Variants in AGAP1 observed in about 807,000 individuals in gnomAD.
AGAP1 encodes arf-GAP with GTPase, ANK repeat and PH domain-containing protein 1.
Under a neutral mutation model 105.3 loss-of-function variants are expected in AGAP1, and 29 were observed. The observed-to-expected ratio is 0.28, with a 90% CI of 0.21 to 0.38. The LOEUF (loss-of-function observed/expected upper bound fraction) is 0.38, where lower values mean the gene tolerates loss of function less well. AGAP1 is among the 10% of genes least tolerant of loss of function. The pLI is 1.00. For missense variants in AGAP1, 998 were observed against 1,165.1 expected (o/e 0.86, Z 2.09); for synonymous variants, 509 against 485.9 (o/e 1.05, Z -0.63).
rs906201979 is a variant in AGAP1, at chr2:235,514,160, GCGCACA to G, written c.163+19313_163+19318del. 5.3e-4 allele frequency among the ~76,000 whole-genome samples: 35 copies of G among 66,090 alleles called. No individual in the cohort carries two copies. The East Asian group carries it at 9.2e-3, about 17-fold the overall frequency. 43.4% of individuals were successfully genotyped at this position (66,090 alleles called of 152,430 possible). On this transcript the variant is annotated intron_variant, in intron 1 of 17. Transcript: ENST00000304032. ...TGTGCCAGTGCATGCGCGTGCGCGC[GCGCACA>G]CACACACACACACACACATACCTCC...
rs565347071 is a variant in AGAP1, at chr2:235,621,950, G to A, written c.164-87229G>A. On this transcript the variant is annotated intron_variant, in intron 1 of 17. Transcript: ENST00000304032. The surrounding 1 kb of genome is among the most constrained non-coding windows in gnomAD (Gnocchi z 4.1). ...GGCCACTGTGTGGATGTTTCTGACG[G>A]CCTCTTACAGACTCTGTCCTTTTTG... Among the ~76,000 whole-genome samples the A allele has an allele frequency of 6.6e-6, 1 of 152,212 alleles. No individual in the cohort carries two copies. The highest frequency in any genetic ancestry group is 6.5e-5 in the Admixed American group (1 of 15,276).
chr2:235,661,367 A>G (rs1422332766), intron 1 of AGAP1, among the ~76,000 whole-genome samples: 3 of 152,154 alleles, frequency 2.0e-5, no homozygotes, highest in Non-Finnish European at 2.9e-5. Context: ...TTGAGGGTAC[A>G]GGGTCCATTT....
At position 235,536,142 on chromosome 2, in the gene AGAP1, T is replaced by TACACAC. The variant is rs58090095; in HGVS notation, c.163+41325_163+41330dup. Among the ~76,000 whole-genome samples the TACACAC allele has an allele frequency of 1.0e-3, 17 of 16,416 alleles. 1 individual carries two copies. The highest frequency in any genetic ancestry group is 1.4e-3 in the Non-Finnish European group (15 of 10,628). The allele number at this position is 16,416 out of a possible 152,430, so 10.8% of individuals were successfully genotyped here. On this transcript the variant is annotated intron_variant, in intron 1 of 17. Transcript: ENST00000304032. ...ACCCCGGGGTTTGTGTGTGGCATCC[T>TACACAC]ACACACACACACACACACACACACA...
chr2:235,803,034 ATGGTGATGATGG>A (rs1957634039), intron 8 of AGAP1, among the ~76,000 whole-genome samples: 1 of 1,944 alleles, frequency 5.1e-4, no homozygotes, highest in Non-Finnish European at 1.3e-3. Context: ...GATGGTTGTG[ATGGTGATGATGG>A]TTGTGGTGAT....
Position 235,799,261 on chromosome 2 carries a change from C to T in AGAP1, c.802-106C>T. ...CGCAAGTCAGCCATTCCCATGCATC[C>T]CTTCCATGGGGCTCATGCTCACTTG... On this transcript the variant is annotated intron_variant, in intron 7 of 17. Transcript: ENST00000304032. The surrounding 1 kb of genome is among the most constrained non-coding windows in gnomAD (Gnocchi z 5.0). 2.3e-6 allele frequency: 3 copies of T among 1,305,384 alleles called. No homozygotes were observed. Among genetic ancestry groups the T allele is most frequent in the Non-Finnish European group, 3.2e-6 (3 of 933,810 alleles). 80.9% of individuals were successfully genotyped at this position (1,305,384 alleles called of 1,614,324 possible).
At chr2:235,715,872 A>G (rs1322593242) in intron 2 of AGAP1, among the ~76,000 whole-genome samples, 2 of 152,024 alleles carry the variant, frequency 1.3e-5, no homozygotes, top group African/African-American at 4.8e-5. Context: ...TTCTGGCTTG[A>G]GAGGCTGGGT....
chr2:236,040,792 G>T lies in AGAP1; in HGVS notation c.1842G>T (p.Ser614=). ...TSQSEAMALQ[S]IRNMRGNSHC... The stretch of plus-strand genomic sequence containing the variant: ...AGAGCGAGGCCATGGCCCTGCAGTC[G>T]ATCCGGAACATGCGCGGGAACTCCC... The change falls in exon 15 of 18, where the codon TCG becomes TCT. Residue 614 remains serine, a synonymous_variant. Coordinates refer to ENST00000304032, the MANE Select transcript of AGAP1 (RefSeq NM_001037131.3). The surrounding 1 kb of genome is among the most constrained non-coding windows in gnomAD (Gnocchi z 5.6). 6.2e-7 allele frequency: 1 copy of T among 1,613,904 alleles called. No individual in the cohort carries two copies. Among genetic ancestry groups the T allele is most frequent in the Non-Finnish European group, 8.5e-7 (1 of 1,180,018 alleles).
At position 235,830,440 on chromosome 2, in the gene AGAP1, G is replaced by C. The variant is rs1464092667; in HGVS notation, c.1050+23109G>C. On this transcript the variant is annotated intron_variant, in intron 9 of 17. Transcript: ENST00000304032. The surrounding 1 kb of genome is among the most constrained non-coding windows in gnomAD (Gnocchi z 5.5). Reference sequence around the variant, plus strand: ...GATTGCAGGCACTTCAAAGCCGTCAGTTCCATTCATTGTTTTTCAAAGTAT... The same window carrying C: ...GATTGCAGGCACTTCAAAGCCGTCACTTCCATTCATTGTTTTTCAAAGTAT... 1.3e-5 allele frequency among the ~76,000 whole-genome samples: 2 copies of C among 152,204 alleles called. No homozygotes were observed. Among genetic ancestry groups the C allele is most frequent in the Admixed American group, 6.5e-5 (1 of 15,280 alleles).
chr2:235,676,623 C>T (rs2149381311), intron 1 of AGAP1, among the ~76,000 whole-genome samples: 1 of 152,244 alleles, frequency 6.6e-6, no homozygotes. Context: ...ATGACTAATG[C>T]CAACACTAAA....
intron 16 of AGAP1, among the ~76,000 whole-genome samples, chr2:236,093,410 A>G (rs966638002): frequency 1.3e-5 from 2 of 152,230 alleles, no homozygotes; most frequent in Admixed American, 1.3e-4. Context: ...AACAACTCAC[A>G]GTCTGTGCCT....
chr2:235,543,838 T>G (rs1005730241), intron 1 of AGAP1, among the ~76,000 whole-genome samples: 1 of 152,130 alleles, frequency 6.6e-6, no homozygotes, highest in Non-Finnish European at 1.5e-5. Context: ...GGGCTGTACT[T>G]TGGGGTATCC....
rs188817227 is a variant in AGAP1 at position 236,068,372 on chromosome 2, G to A, written c.2114+19091G>A. Among the ~76,000 whole-genome samples, 634 of 152,174 alleles carry A rather than the reference G, an allele frequency of 4.2e-3. 12 individuals carry two copies. Among genetic ancestry groups the A allele is most frequent in the African/African-American group, 0.014 (597 of 41,500 alleles). On this transcript the variant is annotated intron_variant, in intron 16 of 17. Transcript: ENST00000304032. Reference sequence around the variant, plus strand: ...CCATAATATAATAACCCTTCCTGTTGGCCAACTCCCTCTCCTCTCCTCTGG... The same window carrying A: ...CCATAATATAATAACCCTTCCTGTTAGCCAACTCCCTCTCCTCTCCTCTGG...
At position 235,953,684 on chromosome 2, in the gene AGAP1, G is replaced by T. The variant is rs2053833845; in HGVS notation, c.1484-14778G>T. 6.6e-6 allele frequency among the ~76,000 whole-genome samples: 1 copy of T among 152,176 alleles called. No homozygotes were observed. The highest frequency in any genetic ancestry group is 2.4e-5 in the African/African-American group (1 of 41,454). On this transcript the variant is annotated intron_variant, in intron 12 of 17. Coordinates refer to ENST00000304032, the MANE Select transcript of AGAP1 (RefSeq NM_001037131.3). The surrounding 1 kb of genome is among the most constrained non-coding windows in gnomAD (Gnocchi z 5.2). ...TTTTTTCCACGCCTGTAATCTCAGT[G>T]CTTTGGGAGGCCAAAGCAGAAGGAT...
intron 1 of AGAP1, among the ~76,000 whole-genome samples, chr2:235,571,598 C>T (rs539496858): frequency 1.4e-4 from 21 of 152,282 alleles, no homozygotes; most frequent in Middle Eastern, 3.4e-3. Flanking sequence ...AACCCATTTC[C>T]TTGGTTCTTT....
rs1382720485 is a variant in AGAP1 at position 236,056,826 on chromosome 2, A to C, written c.2114+7545A>C. Among the ~76,000 whole-genome samples, 1 of 152,130 alleles carries C rather than the reference A, an allele frequency of 6.6e-6. No homozygotes were observed. On this transcript the variant is annotated intron_variant, in intron 16 of 17. Transcript: ENST00000304032. The surrounding 1 kb of genome is among the most constrained non-coding windows in gnomAD (Gnocchi z 4.6). ...TGGGAGCGCAGGTCAGACTGCAGGC[A>C]CCAAGATCTGACTCCAGATGCCGCT...
In AGAP1 at chr2:235,516,070, G is replaced by GCTGCTGCTGCTC. The variant is rs1942370465; in HGVS notation, c.163+21232_163+21233insCCTGCTGCTGCT. On this transcript the variant is annotated intron_variant, in intron 1 of 17. Coordinates refer to ENST00000304032, the MANE Select transcript of AGAP1 (RefSeq NM_001037131.3). The stretch of plus-strand genomic sequence containing the variant: ...CATGGGCTCCTCTGCTGCTGCTGCT[G>GCTGCTGCTGCTC]CTGCTGCTGCTGCTGCTGCTGCTGG... Among the ~76,000 whole-genome samples, 5 of 141,854 alleles carry GCTGCTGCTGCTC rather than the reference G, an allele frequency of 3.5e-5. No individual in the cohort carries two copies. The South Asian group carries it at 1.2e-3, about 33-fold the overall frequency. 93.1% of individuals were successfully genotyped at this position (141,854 alleles called of 152,430 possible).
At chr2:235,564,475 A>G (rs1444086152) in intron 1 of AGAP1, among the ~76,000 whole-genome samples, 1 of 152,136 alleles carries the variant, frequency 6.6e-6, no homozygotes, top group East Asian at 1.9e-4. Context: ...TATACTTCTG[A>G]GTATATCTTC....
chr2:236,018,347 T>C (rs1164295102), intron 13 of AGAP1, among the ~76,000 whole-genome samples: 1 of 152,098 alleles, frequency 6.6e-6, no homozygotes, highest in Non-Finnish European at 1.5e-5. Context: ...TGAAAGTAAA[T>C]GTATTGGAGA....
chr2:236,084,229 G>C (rs1180714115), intron 16 of AGAP1, among the ~76,000 whole-genome samples: 1 of 151,074 alleles, frequency 6.6e-6, no homozygotes, highest in Non-Finnish European at 1.5e-5. Flanking sequence ...AGGGCGGGGG[G>C]GGGTCTCTGC....
Sources: allele counts gnomAD v4.1 joint callset (sites outside exome capture counted in the v4.1 genomes callset), GRCh38; gene constraint gnomAD v4.1.1; non-coding constraint Gnocchi (gnomAD v3.1); transcripts MANE v1.5; gene names NCBI Gene and HGNC (gene_info 2026-07-23, HGNC 2026-07-21).